Variants in RPS4X observed in about 807,000 individuals in gnomAD.
RPS4X encodes the protein ribosomal protein S4 X-linked.
For missense variants in RPS4X, 90 were observed against 219.1 expected, an observed-to-expected ratio of 0.41 and a Z score of 3.72; for synonymous variants, 76 against 76.8, an observed-to-expected ratio of 0.99 and a Z score of 0.06.
intron 5 of RPS4X, 91 bp from the exon 6 acceptor site, chrX:72,273,480 C>T: frequency 2.2e-6 from 2 of 895,207 alleles, no homozygotes; most frequent in Non-Finnish European, 3.1e-6. Flanking sequence ...TCCTCCTTTC[C>T]CCCCATTTGA....
intron 5 of RPS4X, 41 bp from the exon 6 acceptor site, chrX:72,273,430 A>C (rs1172326628): frequency 5.4e-6 from 6 of 1,110,312 alleles, no homozygotes; most frequent in Non-Finnish European, 7.2e-6. Context: ...CAATATAACA[A>C]ATGACAAGCA....
At chrX:72,274,590 G>A (rs2043194325) in intron 4 of RPS4X, 1 of 283,536 alleles carries the variant, frequency 3.5e-6, no homozygotes, top group African/African-American at 2.8e-5. Flanking sequence ...CCTCAAACTA[G>A]TGCCTCAAGG....
rs941983223 is a variant in RPS4X, at chrX:72,272,573, T to TAA, written c.*96_*97dup. The stretch of plus-strand genomic sequence containing the variant: ...ACAGTAAAATAGCAGGAAACTGAAT[T>TAA]AAAAAAAAAAACAACCCACAAAACC... On this transcript the variant is annotated 3_prime_UTR_variant, in exon 7 of 7. Transcript: ENST00000316084. 9.2e-5 allele frequency: 39 copies of TAA among 422,039 alleles called. No individual in the cohort carries two copies. The highest frequency in any genetic ancestry group is 1.6e-4 in the African/African-American group (6 of 36,783). 34.8% of individuals were successfully genotyped at this position (422,039 alleles called of 1,213,427 possible).
At position 72,273,971 on chromosome X, in the gene RPS4X, T is replaced by C; in HGVS notation, c.362A>G (p.Tyr121Cys). 8.3e-7 allele frequency: 1 copy of C among 1,209,367 alleles called. No homozygotes were observed. Among genetic ancestry groups the C allele is most frequent in the Non-Finnish European group, 1.1e-6 (1 of 893,510 alleles). The change falls in exon 5 of 7, where the codon TAC becomes TGC. Residue 121 changes from tyrosine to cysteine, a missense_variant and splice_region_variant. Transcript: ENST00000316084. ...GATCTTTCTCACTTTGCACAACTTG[T>C]ACTAGAAAAATACAAGGGTTAGCCA... Reference protein sequence around the residue: ...VHRITPEEAKYKLCKVRKIFV... With the variant: ...VHRITPEEAKCKLCKVRKIFV...
Position 72,273,877 on chromosome X carries a change from G to T in RPS4X, c.456C>A (p.Pro152=). The change falls in exon 5 of 7, where the codon CCC becomes CCA. Residue 152 remains proline (P), a synonymous_variant. Coordinates refer to ENST00000316084, the MANE Select transcript of RPS4X (RefSeq NM_001007.5). ...GAATGGTATCATTCACCTTGATGAG[G>T]GGATCGGGGTAGCGGATGGTGCGGG... ...HDARTIRYPD[P]LIKVNDTIQI... The T allele has an allele frequency of 8.3e-7, 1 of 1,204,818 alleles. No homozygotes were observed. Among genetic ancestry groups the T allele is most frequent in the Non-Finnish European group, 1.1e-6 (1 of 889,488 alleles).
In RPS4X at chrX:72,273,876, G is replaced by C; in HGVS notation, c.457C>G (p.Leu153Val). The C allele has an allele frequency of 8.3e-7, 1 of 1,204,323 alleles. No homozygotes were observed. Residue 153 changes from leucine (L) to valine (V), a missense_variant, in exon 5 of 7, where the codon CTC becomes GTC. Physicochemically the swap from Leu to Val is conservative, Grantham distance 32 (BLOSUM62 1). Coordinates refer to ENST00000316084, the MANE Select transcript of RPS4X (RefSeq NM_001007.5). ...TGAATGGTATCATTCACCTTGATGA[G>C]GGGATCGGGGTAGCGGATGGTGCGG... is the stretch of plus-strand genomic sequence containing the variant. Reference protein sequence around the residue: ...DARTIRYPDPLIKVNDTIQID... With the variant: ...DARTIRYPDPVIKVNDTIQID...
chrX:72,275,722 A>C lies in RPS4X; in HGVS notation c.84T>G (p.Ala28=). 16 of 1,189,790 alleles carry C rather than the reference A, an allele frequency of 1.3e-5. No individual in the cohort carries two copies. Among genetic ancestry groups the C allele is most frequent in the Non-Finnish European group, 1.8e-5 (16 of 882,197 alleles). ...TGTGGGGACCGGTGGATGGACGAGG[A>C]GCCTGTAACGTTAAAAATGATAATC... The part of the protein sequence containing the change: ...WMLDKLTGVF[A]PRPSTGPHKL... The change falls in exon 3 of 7, where the codon GCT becomes GCG. Residue 28 remains alanine, a splice_region_variant and synonymous_variant. Transcript: ENST00000316084.
Position 72,272,767 on chromosome X carries a change from G to C in RPS4X, c.696C>G (p.Asn232Lys). The change falls in exon 7 of 7, where the codon AAC (asparagine) becomes AAG (lysine). Residue 232 changes from asparagine (N) to lysine (K), a missense_variant. Asn to Lys is a moderately conservative substitution (Grantham distance 94). Coordinates refer to ENST00000316084, the MANE Select transcript of RPS4X (RefSeq NM_001007.5). ...CTCGGGGAAGAGAAATCCATGGTTT[G>C]TTGCCCTGGAAGAGAAAACAAGCAG... ...LSNIFVIGKG[N>K]KPWISLPRGK... 4 of 1,196,202 alleles carry C rather than the reference G, an allele frequency of 3.3e-6. No homozygotes were observed. Among genetic ancestry groups the C allele is most frequent in the Non-Finnish European group, 4.5e-6 (4 of 882,334 alleles).
intron 4 of RPS4X, chrX:72,274,683 C>T (rs949382010): frequency 2.2e-5 from 5 of 232,014 alleles, no homozygotes; most frequent in Admixed American, 1.2e-4. Flanking sequence ...AGGGCTCCTA[C>T]GTCAGGTACC....
intron 1 of RPS4X, among the ~76,000 whole-genome samples, chrX:72,276,702 C>G (rs2043205906): frequency 8.9e-6 from 1 of 112,424 alleles, no homozygotes; most frequent in Non-Finnish European, 1.9e-5. Flanking sequence ...ACATGTGCTG[C>G]TCCTTCGTAC....
At chrX:72,273,607 C>G (rs936668052) in intron 5 of RPS4X, among the ~76,000 whole-genome samples, 194 bp downstream of exon 5, 5 of 111,630 alleles carry the variant, frequency 4.5e-5, no homozygotes, top group Admixed American at 9.6e-5. Flanking sequence ...CTGGGCAACA[C>G]AGTAAGACCC....
Position 72,273,389 on chromosome X carries a change from C to T in RPS4X, c.533G>A (p.Gly178Asp). 8.4e-7 allele frequency: 1 copy of T among 1,188,850 alleles called. No homozygotes were observed. The highest frequency in any genetic ancestry group is 3.0e-5 in the East Asian group (1 of 33,511). ...ACCTCCAGTCACCATACACAGGTTA[C>T]CTAGGCAGGAAGAAATAATCTGCTT... ...KITDFIKFDT[G>D]NLCMVTGGAN... Residue 178 changes from glycine to aspartate, a missense_variant and splice_region_variant, in exon 6 of 7, where the codon GGT becomes GAT. By Grantham distance (94) the Gly-to-Asp change is moderately conservative. Transcript: ENST00000316084.
In RPS4X at chrX:72,277,181, T is replaced by A. The variant is rs373422954; in HGVS notation, c.3+12A>T. On this transcript the variant is annotated intron_variant, in intron 1 of 6. Coordinates refer to ENST00000316084, the MANE Select transcript of RPS4X (RefSeq NM_001007.5). ...GGATACGTCCTAAGAGCTCGCTAACTAAACGGCTTACCATGGCTGCGTTAG... is the reference window on the plus strand; with the variant it reads ...GGATACGTCCTAAGAGCTCGCTAACAAAACGGCTTACCATGGCTGCGTTAG... The A allele has an allele frequency of 8.3e-7, 1 of 1,210,731 alleles. No homozygotes were observed. Among genetic ancestry groups the A allele is most frequent in the Non-Finnish European group, 1.1e-6 (1 of 894,747 alleles).
intron 6 of RPS4X, 93 bp downstream of exon 6, chrX:72,273,139 C>G (rs1297595335): frequency 1.1e-6 from 1 of 900,951 alleles, no homozygotes; most frequent in African/African-American, 2.0e-5. Context: ...CTAGGTTCAG[C>G]AGAGCCAGCC....
Position 72,277,131 on chromosome X carries a change from G to T in RPS4X, c.3+62C>A, listed in dbSNP as rs2043208512. 1.1e-5 allele frequency: 13 copies of T among 1,189,317 alleles called. No individual in the cohort carries two copies. In the Admixed American group the frequency reaches 2.8e-4, roughly 26 times the overall value. ...AGTAGGAATCCCGAAACCTCGGGCAGCCCCGGCCGGGGGAGGATGGAGGCG... is the reference window on the plus strand; with the variant it reads ...AGTAGGAATCCCGAAACCTCGGGCATCCCCGGCCGGGGGAGGATGGAGGCG... On this transcript the variant is annotated intron_variant, in intron 1 of 6. Coordinates refer to ENST00000316084, the MANE Select transcript of RPS4X (RefSeq NM_001007.5).
At position 72,272,483 on chromosome X, in the gene RPS4X, A is replaced by G; in HGVS notation, c.*188T>C. ...CTGGTATCTTCTACTTCCCACCACT[A>G]ACTAAGCCCAGCCAATAACAGACTG... On this transcript the variant is annotated 3_prime_UTR_variant, in exon 7 of 7. Coordinates refer to ENST00000316084, the MANE Select transcript of RPS4X (RefSeq NM_001007.5). 2 of 376,353 alleles carry G rather than the reference A, an allele frequency of 5.3e-6. No homozygotes were observed. Among genetic ancestry groups the G allele is most frequent in the Non-Finnish European group, 9.2e-6 (2 of 216,681 alleles). The allele number at this position is 376,353 out of a possible 1,213,427, so 31.0% of individuals were successfully genotyped here.
At chrX:72,277,117 C>G in intron 1 of RPS4X, 76 bp downstream of exon 1, 27 of 1,163,139 alleles carry the variant, frequency 2.3e-5, no homozygotes, top group Non-Finnish European at 3.2e-5. Flanking sequence ...GTAGGAATCC[C>G]GAAACCTCGG....
chrX:72,273,991 T>A lies in RPS4X; in HGVS notation c.361-19A>T, dbSNP rs764107942. ...ACTTGTACTAGAAAAATACAAGGGT[T>A]AGCCACATTCAATCCATCTCACATG... is the stretch of plus-strand genomic sequence containing the variant. On this transcript the variant is annotated intron_variant, in intron 4 of 6. Coordinates refer to ENST00000316084, the MANE Select transcript of RPS4X (RefSeq NM_001007.5). 1.7e-6 allele frequency: 2 copies of A among 1,199,274 alleles called. No homozygotes were observed.
intron 4 of RPS4X, 56 bp downstream of exon 4, chrX:72,274,997 C>T (rs775424692): frequency 1.3e-6 from 1 of 772,239 alleles, no homozygotes; most frequent in South Asian, 2.2e-5. Context: ...TCAATGCAGG[C>T]CCTTAGAACA....
Sources: gnomAD v4.1 joint callset for allele counts (sites outside exome capture counted in the v4.1 genomes callset) on GRCh38, gnomAD v4.1.1 for gene constraint, MANE v1.5 for transcripts, NCBI Gene and HGNC (gene_info 2026-07-23, HGNC 2026-07-21) for gene names.